Variants in MAML2 observed in about 807,000 individuals in gnomAD.
MAML2 encodes mastermind-like protein 2.
MAML2 carries 22 observed loss-of-function variants against 96.1 expected under a neutral mutation model. That is an observed-to-expected ratio of 0.23 (90% CI 0.16 to 0.33). The LOEUF (loss-of-function observed/expected upper bound fraction) is 0.33. MAML2 is among the 10% of genes least tolerant of loss of function. The pLI is 1.00. For missense variants in MAML2, 1,367 were observed against 1,392.4 expected (o/e 0.98, Z 0.29); for synonymous variants, 561 against 521.3 (o/e 1.08, Z -1.04).
intron 1 of MAML2, among the ~76,000 whole-genome samples, chr11:96,322,791 G>A (rs1565283902): frequency 6.6e-6 from 1 of 152,254 alleles, no homozygotes; most frequent in Non-Finnish European, 1.5e-5. Flanking sequence ...AGTTACGTTT[G>A]CTTTCTCTTC....
At chr11:96,043,796 G>A (rs1025882311) in intron 2 of MAML2, among the ~76,000 whole-genome samples, 112 of 152,316 alleles carry the variant, frequency 7.4e-4, no homozygotes, top group African/African-American at 2.6e-3. Flanking sequence ...TTCTTTCTAG[G>A]AACTTTCAGT....
intron 1 of MAML2, among the ~76,000 whole-genome samples, chr11:96,210,090 A>G (rs929662190): frequency 6.6e-6 from 1 of 152,084 alleles, no homozygotes; most frequent in Non-Finnish European, 1.5e-5. Context: ...AATGTGCCTT[A>G]CCATTTTATT....
chr11:96,039,675 G>T (rs1169333065), intron 2 of MAML2, among the ~76,000 whole-genome samples: 1 of 150,220 alleles, frequency 6.7e-6, no homozygotes, highest in Non-Finnish European at 1.5e-5. Flanking sequence ...GGCCGGGCGC[G>T]GTGGCTCACG....
chr11:96,227,142 A>G (rs966040520), intron 1 of MAML2, among the ~76,000 whole-genome samples: 1 of 152,152 alleles, frequency 6.6e-6, no homozygotes, highest in Non-Finnish European at 1.5e-5. Flanking sequence ...TATCATGTTA[A>G]TCCTTCAGAT....
chr11:96,098,935 C>T (rs999127659), intron 1 of MAML2, among the ~76,000 whole-genome samples: 1 of 152,122 alleles, frequency 6.6e-6, no homozygotes, highest in Non-Finnish European at 1.5e-5. Flanking sequence ...TTGCACAATC[C>T]TCTGGTTTCT....
At chr11:96,202,406 T>C (rs1054581314) in intron 1 of MAML2, among the ~76,000 whole-genome samples, 1 of 151,356 alleles carries the variant, frequency 6.6e-6, no homozygotes, top group African/African-American at 2.4e-5. Flanking sequence ...AGTAACCAAG[T>C]CTACATGAAA....
At chr11:96,235,281 T>G (rs1449702796) in intron 1 of MAML2, among the ~76,000 whole-genome samples, 1 of 152,146 alleles carries the variant, frequency 6.6e-6, no homozygotes, top group Admixed American at 6.5e-5. Flanking sequence ...AAATAAAGTT[T>G]TATTGGAACA....
intron 2 of MAML2, among the ~76,000 whole-genome samples, chr11:96,038,189 T>C (rs548038582): frequency 5.3e-5 from 8 of 150,504 alleles, no homozygotes; most frequent in African/African-American, 1.7e-4. Flanking sequence ...TAATGTGTGT[T>C]CTATGGGAAA....
At position 96,126,878 on chromosome 11, in the gene MAML2, G is replaced by A. The variant is rs12275044; in HGVS notation, c.514-33361C>T. Among the ~76,000 whole-genome samples, 446 of 151,838 alleles carry A rather than the reference G, an allele frequency of 2.9e-3. 4 individuals carry two copies. The highest frequency in any genetic ancestry group is 0.01 in the African/African-American group (420 of 41,352). ...CACAAAAAAACATGGAGAACTAAGC[G>A]TGATGACAGTGCATGTGGTATGGAC... On this transcript the variant is annotated intron_variant, in intron 1 of 4. Transcript: ENST00000524717.
intron 1 of MAML2, among the ~76,000 whole-genome samples, chr11:96,147,972 A>T (rs1044570340): frequency 1.3e-5 from 2 of 152,222 alleles, no homozygotes; most frequent in Admixed American, 1.3e-4. Flanking sequence ...CATAATGAAA[A>T]TGAGGAGTAA....
At chr11:96,177,683 G>T in intron 1 of MAML2, among the ~76,000 whole-genome samples, 1 of 152,242 alleles carries the variant, frequency 6.6e-6, no homozygotes, top group South Asian at 2.1e-4. Flanking sequence ...ATACCTTTGT[G>T]TCTGACCTAA....
intron 1 of MAML2, among the ~76,000 whole-genome samples, chr11:96,146,632 A>C (rs1476701271): frequency 6.6e-6 from 1 of 152,196 alleles, no homozygotes; most frequent in African/African-American, 2.4e-5. Context: ...GACCTCAAAT[A>C]CTTGCCATGA....
intron 1 of MAML2, among the ~76,000 whole-genome samples, chr11:96,323,108 TA>T (rs11402930): frequency 1.8e-3 from 257 of 145,382 alleles, no homozygotes; most frequent in Middle Eastern, 3.6e-3. Flanking sequence ...GCTACTGGTT[TA>T]AAAAAAAAAA....
intron 1 of MAML2, among the ~76,000 whole-genome samples, chr11:96,198,446 A>G (rs539320314): frequency 3.9e-5 from 6 of 152,312 alleles, no homozygotes; most frequent in African/African-American, 1.4e-4. Context: ...CCAGCTAAAC[A>G]TCACCAGTTC....
rs1858230820 is a variant in MAML2, at chr11:96,009,184, C to G, written c.2140-17461G>C. ...AAGAACAATTCAGTTCCTTTAATCA[C>G]TTAATGCTAACGATGGCCATTCGCA... On this transcript the variant is annotated intron_variant, in intron 2 of 4. Coordinates refer to ENST00000524717, the MANE Select transcript of MAML2 (RefSeq NM_032427.4). Among the ~76,000 whole-genome samples the G allele has an allele frequency of 2.0e-5, 3 of 152,208 alleles. 1 individual carries two copies. In the South Asian group the frequency reaches 6.2e-4, roughly 31 times the overall value.
intron 2 of MAML2, among the ~76,000 whole-genome samples, chr11:96,066,794 T>C (rs1859251549): frequency 6.6e-6 from 1 of 151,836 alleles, no homozygotes; most frequent in Non-Finnish European, 1.5e-5. Context: ...AAAACACAAG[T>C]AAATAGAACA....
intron 1 of MAML2, among the ~76,000 whole-genome samples, chr11:96,279,110 A>T (rs983844865): frequency 6.6e-6 from 1 of 152,224 alleles, no homozygotes; most frequent in Non-Finnish European, 1.5e-5. Context: ...TGAAGACTAC[A>T]AGAGAAAAAA....
chr11:96,168,371 C>T (rs372971737), intron 1 of MAML2, among the ~76,000 whole-genome samples: 1 of 152,120 alleles, frequency 6.6e-6, no homozygotes, highest in East Asian at 1.9e-4. Flanking sequence ...ATCTATCTAT[C>T]TACCTATCTA....
At chr11:96,152,877 G>A (rs1860945980) in intron 1 of MAML2, among the ~76,000 whole-genome samples, 1 of 152,166 alleles carries the variant, frequency 6.6e-6, no homozygotes, top group African/African-American at 2.4e-5. Flanking sequence ...CAGCCTGCCT[G>A]CCAGAATCTC....
Sources: gnomAD v4.1 joint callset for allele counts (sites outside exome capture counted in the v4.1 genomes callset) on GRCh38, gnomAD v4.1.1 for gene constraint, MANE v1.5 for transcripts, NCBI Gene and HGNC (gene_info 2026-07-23, HGNC 2026-07-21) for gene names.